The following PPIP5K1 variants were observed in gnomAD, a reference collection of about 807,000 sequenced individuals.
PPIP5K1 encodes diphosphoinositol pentakisphosphate kinase 1.
Under a neutral mutation model 27.7 loss-of-function variants are expected in PPIP5K1, and 6 were observed. The observed-to-expected ratio is 0.22, with a 90% confidence interval of 0.12 to 0.43. PPIP5K1 has a LOEUF of 0.43. Among genes scored for constraint, PPIP5K1 ranks in the 20% least tolerant of loss-of-function variants. The pLI, the probability that PPIP5K1 is intolerant of heterozygous loss-of-function variation, is 1.00. For synonymous variants in PPIP5K1, 145 were observed against 242.6 expected, an observed-to-expected ratio of 0.60 and a Z score of 3.74; for missense variants, 394 against 635.4, an observed-to-expected ratio of 0.62 and a Z score of 4.08.
chr15:43,559,733 T>C (rs1185501341), intron 29 of PPIP5K1, among the ~76,000 whole-genome samples: 3 of 151,512 alleles, frequency 2.0e-5, no homozygotes, highest in Non-Finnish European at 1.5e-5. Context: ...AGGATAAACA[T>C]AAATATGTAA....
chr15:43,580,511 C>T (rs1274348987), intron 10 of PPIP5K1, among the ~76,000 whole-genome samples: 1 of 121,636 alleles, frequency 8.2e-6, no homozygotes, highest in Non-Finnish European at 1.6e-5. Context: ...CAACAATGGT[C>T]TCTGGGAGGG....
intron 30 of PPIP5K1, 98 bp downstream of exon 30, chr15:43,558,697 G>T: frequency 6.7e-7 from 1 of 1,491,746 alleles, no homozygotes. Context: ...TGTCTTTGTG[G>T]ATTGCCTAAC....
At chr15:43,586,653 G>A (rs1370851440) in intron 1 of PPIP5K1, among the ~76,000 whole-genome samples, 512 of 93,572 alleles carry the variant, frequency 5.5e-3, no homozygotes, top group African/African-American at 0.019. Flanking sequence ...AGCTGTGATC[G>A]TGCCACTGCA....
intron 30 of PPIP5K1, among the ~76,000 whole-genome samples, chr15:43,552,772 G>A (rs1203325415): frequency 6.6e-6 from 1 of 151,896 alleles, no homozygotes; most frequent in Non-Finnish European, 1.5e-5. Context: ...TCCAGGCGTG[G>A]TGGCTCACAC....
At chr15:43,549,659 A>G (rs2081947203) in intron 30 of PPIP5K1, among the ~76,000 whole-genome samples, 1 of 151,906 alleles carries the variant, frequency 6.6e-6, no homozygotes, top group Admixed American at 6.6e-5. Flanking sequence ...TCTTAAAAAA[A>G]AAATCTTTAT....
intron 30 of PPIP5K1, among the ~76,000 whole-genome samples, chr15:43,553,811 ATT>A (rs2082569397): frequency 1.3e-5 from 2 of 151,200 alleles, no homozygotes; most frequent in South Asian, 4.2e-4. Flanking sequence ...CGCCCGGCTA[ATT>A]TTTTTGTATT....
At chr15:43,549,206 C>T (rs188569250) in intron 30 of PPIP5K1, among the ~76,000 whole-genome samples, 2 of 151,180 alleles carry the variant, frequency 1.3e-5, no homozygotes, top group African/African-American at 4.8e-5. Context: ...ACCACTGTAC[C>T]TGGCCTTCCT....
chr15:43,545,335 G>A (rs561531838), intron 30 of PPIP5K1, among the ~76,000 whole-genome samples: 1 of 152,124 alleles, frequency 6.6e-6, no homozygotes, highest in South Asian at 2.1e-4. Flanking sequence ...AGAGTATATT[G>A]TCAAACTTTT....
intron 30 of PPIP5K1, among the ~76,000 whole-genome samples, chr15:43,553,060 A>G (rs2082436276): frequency 6.6e-6 from 1 of 152,218 alleles, no homozygotes; most frequent in South Asian, 2.1e-4. Flanking sequence ...GAAAAAGAAT[A>G]TGTTGTTTAA....
chr15:43,555,357 C>T (rs936858754), intron 30 of PPIP5K1, among the ~76,000 whole-genome samples: 2 of 150,766 alleles, frequency 1.3e-5, no homozygotes, highest in African/African-American at 4.9e-5. Context: ...CTCACTGCAA[C>T]CTTCACCTCC....
At chr15:43,579,425 T>TACAC (rs1491268872) in intron 10 of PPIP5K1, among the ~76,000 whole-genome samples, 4 of 69,898 alleles carry the variant, frequency 5.7e-5, no homozygotes, top group African/African-American at 4.2e-4. Context: ...CACACACACG[T>TACAC]ATGTGTACAT....
chr15:43,553,368 C>G (rs1414888504), intron 30 of PPIP5K1, among the ~76,000 whole-genome samples: 1 of 151,236 alleles, frequency 6.6e-6, no homozygotes, highest in African/African-American at 2.4e-5. Context: ...GAGACAGGAT[C>G]TCACTCTGTC....
At chr15:43,579,476 T>C (rs2084712195) in intron 10 of PPIP5K1, among the ~76,000 whole-genome samples, 1 of 103,066 alleles carries the variant, frequency 9.7e-6, no homozygotes, top group Non-Finnish European at 1.7e-5. Context: ...TACACACATG[T>C]ATGCGCATAT....
intron 30 of PPIP5K1, 91 bp from the exon 31 acceptor site, chr15:43,539,674 C>A: frequency 1.3e-6 from 1 of 747,828 alleles, no homozygotes; most frequent in Admixed American, 2.7e-5. Context: ...TAAGTCAAAG[C>A]CAACTTACCC....
chr15:43,549,884 T>C (rs1016886017), intron 30 of PPIP5K1, among the ~76,000 whole-genome samples: 1 of 152,144 alleles, frequency 6.6e-6, no homozygotes, highest in Non-Finnish European at 1.5e-5. Flanking sequence ...GGTGGAAGGA[T>C]TGCTCCAGCA....
rs1475182468 is a variant in PPIP5K1 at position 43,534,044 on chromosome 15, A to C, written c.*630T>G. On this transcript the variant is annotated 3_prime_UTR_variant, in exon 32 of 32. Transcript: ENST00000420765. ...GTCAGATGTTTGGGGAAGGGACTCT[A>C]TTTTCCAGACATTTCAGATAGCCAT... 6.6e-6 allele frequency: 1 copy of C among 152,260 alleles called. No homozygotes were observed. The highest frequency in any genetic ancestry group is 2.4e-5 in the African/African-American group (1 of 41,424). 9.4% of individuals were successfully genotyped at this position (152,260 alleles called of 1,614,324 possible).
Position 43,539,517 on chromosome 15 carries a change from T to C in PPIP5K1, c.3623A>G (p.His1208Arg). 2 of 1,610,038 alleles carry C rather than the reference T, an allele frequency of 1.2e-6. No individual in the cohort carries two copies. The highest frequency in any genetic ancestry group is 1.7e-6 in the Non-Finnish European group (2 of 1,178,094). Residue 1208 changes from histidine (H) to arginine (R), a missense_variant, in exon 31 of 32, where the codon CAT becomes CGT. Physicochemically the swap from His to Arg is conservative, Grantham distance 29. This residue lies in a region of PPIP5K1 where 379 missense variants were observed against 423.9 expected (regional missense o/e 0.89). Coordinates refer to ENST00000420765, the MANE Select transcript of PPIP5K1 (RefSeq NM_001394395.1). ...CTGCTGGAGTTGCAGGGGAGGTGAA[T>C]GAAGAGTACGTGGTGGAGAAAATGG... is the stretch of plus-strand genomic sequence containing the variant. ...DNPFSPPRTL[H>R]SPPLQLQQRS...
At chr15:43,547,508 A>T (rs1471305824) in intron 30 of PPIP5K1, among the ~76,000 whole-genome samples, 1 of 152,142 alleles carries the variant, frequency 6.6e-6, no homozygotes, top group Non-Finnish European at 1.5e-5. Flanking sequence ...TAGGTCATTG[A>T]TCCATTTTGA....
rs753622680 is a variant in PPIP5K1, at chr15:43,534,678, T to C, written c.4469A>G (p.Asn1490Ser). 1 of 1,520,374 alleles carries C rather than the reference T, an allele frequency of 6.6e-7. No individual in the cohort carries two copies. The highest frequency in any genetic ancestry group is 8.8e-7 in the Non-Finnish European group (1 of 1,137,906). The allele number at this position is 1,520,374 out of a possible 1,614,324, so 94.2% of individuals were successfully genotyped here. The change falls in exon 32 of 32, where the codon AAT (asparagine) becomes AGT (serine). Residue 1490 changes from asparagine (N) to serine (S), a missense_variant. Physicochemically the swap from Asn to Ser is conservative, Grantham distance 46 (BLOSUM62 1). This residue lies in a region of PPIP5K1 where 379 missense variants were observed against 423.9 expected (regional missense o/e 0.89). Transcript: ENST00000420765. ...TTCAGGGACCACCCAGGACTTCTAA[T>C]TTATCTCCTCAGGGACCTCCTGGGC... ...LQAQEVPEEI[N>S]
Sources: allele counts gnomAD v4.1 joint callset (sites outside exome capture counted in the v4.1 genomes callset), GRCh38; gene constraint gnomAD v4.1.1; regional missense constraint gnomAD v4.1.1; transcripts MANE v1.5; gene names NCBI Gene and HGNC (gene_info 2026-07-23, HGNC 2026-07-21).